Variants in EYS observed in about 807,000 individuals in gnomAD.
EYS encodes the protein EGF-like photoreceptor maintenance factor.
Under a neutral mutation model 282.1 loss-of-function variants are expected in EYS, and 250 were observed. The observed-to-expected ratio is 0.89, with a 90% CI of 0.80 to 0.98. The LOEUF is 0.98. Ranked by LOEUF, EYS falls within the 50% of genes least tolerant of loss-of-function variation. EYS has a pLI of 0.00. For missense variants in EYS, 4,016 were observed against 3,709.0 expected, an observed-to-expected ratio of 1.08 and a Z score of -2.15; for synonymous variants, 1,355 against 1,282.9, an observed-to-expected ratio of 1.06 and a Z score of -1.20.
chr6:64,909,676 C>G (rs1767933617), intron 16 of EYS, among the ~76,000 whole-genome samples: 1 of 152,184 alleles, frequency 6.6e-6, no homozygotes, highest in South Asian at 2.1e-4. Flanking sequence ...TCTCACAAAG[C>G]AGGATCACAA....
chr6:64,281,491 C>T (rs989431266), intron 30 of EYS, among the ~76,000 whole-genome samples: 1 of 152,164 alleles, frequency 6.6e-6, no homozygotes, highest in South Asian at 2.1e-4. Context: ...AAGACCAAAT[C>T]AGGATAGGCA....
At chr6:64,680,689 T>G (rs146530578) in intron 22 of EYS, among the ~76,000 whole-genome samples, 1 of 152,168 alleles carries the variant, frequency 6.6e-6, no homozygotes, top group African/African-American at 2.4e-5. Flanking sequence ...ATTATTTACC[T>G]TAGTTTCAGC....
chr6:64,387,031 G>A (rs965193486), intron 29 of EYS, among the ~76,000 whole-genome samples: 8 of 152,028 alleles, frequency 5.3e-5, no homozygotes, highest in Non-Finnish European at 8.8e-5. Flanking sequence ...ATTTTACATA[G>A]GATTAATTAT....
chr6:64,280,995 C>G (rs1367077758), intron 30 of EYS, among the ~76,000 whole-genome samples: 1 of 152,060 alleles, frequency 6.6e-6, no homozygotes, highest in Non-Finnish European at 1.5e-5. Context: ...CAGCAACTAA[C>G]TATGGTTGTG....
At position 64,130,152 on chromosome 6, in the gene EYS, A is replaced by G. The variant is rs543304015; in HGVS notation, c.6425-48150T>C. Among the ~76,000 whole-genome samples the G allele has an allele frequency of 4.5e-4, 68 of 152,322 alleles. 1 individual carries two copies. The highest frequency in any genetic ancestry group is 1.5e-3 in the African/African-American group (62 of 41,560). On this transcript the variant is annotated intron_variant, in intron 31 of 42. Transcript: ENST00000503581. ...TGGGTATATACCCAAAGGATTATAAATCATGCTGCTATAAAGACACATGCA... is the reference window on the plus strand; with the variant it reads ...TGGGTATATACCCAAAGGATTATAAGTCATGCTGCTATAAAGACACATGCA...
At chr6:64,556,613 C>T (rs1157345284) in intron 26 of EYS, among the ~76,000 whole-genome samples, 1 of 151,834 alleles carries the variant, frequency 6.6e-6, no homozygotes, top group African/African-American at 2.4e-5. Flanking sequence ...TTGAATTATA[C>T]TGTATAAACT....
chr6:64,703,736 G>A (rs1770876961), intron 22 of EYS, among the ~76,000 whole-genome samples: 1 of 151,600 alleles, frequency 6.6e-6, no homozygotes, highest in Admixed American at 6.6e-5. Context: ...CGCAAACTGT[G>A]GTAATTGTTA....
chr6:65,006,705 G>A (rs898815013), intron 13 of EYS, among the ~76,000 whole-genome samples: 1 of 152,134 alleles, frequency 6.6e-6, no homozygotes. Flanking sequence ...TTCAGGACAG[G>A]ATGATAGATG....
chr6:64,346,965 A>G (rs1309266705), intron 29 of EYS, among the ~76,000 whole-genome samples: 1 of 151,474 alleles, frequency 6.6e-6, no homozygotes, highest in African/African-American at 2.4e-5. Flanking sequence ...ACTACTAAAA[A>G]TGCTTAAAAT....
intron 36 of EYS, among the ~76,000 whole-genome samples, chr6:63,844,325 AG>A (rs1299480506): frequency 6.6e-6 from 1 of 152,140 alleles, no homozygotes; most frequent in Non-Finnish European, 1.5e-5. Context: ...TACGCATGCA[AG>A]CATCTTTATA....
At chr6:65,442,792 A>G (rs1768392444) in intron 5 of EYS, among the ~76,000 whole-genome samples, 1 of 149,832 alleles carries the variant, frequency 6.7e-6, no homozygotes, top group Non-Finnish European at 1.5e-5. Context: ...AAAAAAAAAT[A>G]TATAGACACA....
At chr6:64,083,822 C>T (rs1446944470) in intron 31 of EYS, among the ~76,000 whole-genome samples, 1 of 152,178 alleles carries the variant, frequency 6.6e-6, no homozygotes, top group Admixed American at 6.5e-5. Context: ...ACTGCAACCT[C>T]CACCTCCCGG....
chr6:63,882,608 A>G lies in EYS; in HGVS notation c.7056-18250T>C, dbSNP rs552508331. Among the ~76,000 whole-genome samples the G allele has an allele frequency of 3.3e-5, 5 of 152,340 alleles. No individual in the cohort carries two copies. In the South Asian group the frequency reaches 8.3e-4, roughly 25 times the overall value. ...GTTTTGCATTGAGTTTGCAATCTAGATGGTGAGACAAGAATTAAGTAACTA... is the reference window on the plus strand; with the variant it reads ...GTTTTGCATTGAGTTTGCAATCTAGGTGGTGAGACAAGAATTAAGTAACTA... On this transcript the variant is annotated intron_variant, in intron 35 of 42. Transcript: ENST00000503581.
intron 12 of EYS, among the ~76,000 whole-genome samples, chr6:65,291,479 G>A (rs959813258): frequency 1.3e-5 from 2 of 151,352 alleles, no homozygotes; most frequent in Non-Finnish European, 3.0e-5. Flanking sequence ...TAAAAAGTGA[G>A]GTTGTATATT....
At chr6:64,287,759 C>A (rs937586434) in intron 30 of EYS, among the ~76,000 whole-genome samples, 5 of 152,084 alleles carry the variant, frequency 3.3e-5, no homozygotes, top group Admixed American at 2.6e-4. Context: ...CAAAATACAT[C>A]TCATGGTTAA....
At position 65,460,518 on chromosome 6, in the gene EYS, G is replaced by C. The variant is rs558711962; in HGVS notation, c.862+30076C>G. On this transcript the variant is annotated intron_variant, in intron 5 of 42. Coordinates refer to ENST00000503581, the MANE Select transcript of EYS (RefSeq NM_001142800.2). ...TCAGACCTGATAATTTGGACCTTATGACCAGGCCAGTTGAAAATAATTATA... is the reference window on the plus strand; with the variant it reads ...TCAGACCTGATAATTTGGACCTTATCACCAGGCCAGTTGAAAATAATTATA... Among the ~76,000 whole-genome samples, 3 of 152,052 alleles carry C rather than the reference G, an allele frequency of 2.0e-5. No homozygotes were observed. In the South Asian group the frequency reaches 6.2e-4, roughly 32 times the overall value.
At chr6:63,965,883 T>G (rs971372148) in intron 35 of EYS, among the ~76,000 whole-genome samples, 1 of 152,182 alleles carries the variant, frequency 6.6e-6, no homozygotes, top group Admixed American at 6.5e-5. Flanking sequence ...ATGGGCATTT[T>G]ACCATCAAAT....
In EYS at chr6:64,388,735, T is replaced by TC; in HGVS notation, c.6032dup (p.Ser2012IlefsTer34). On this transcript the variant is annotated frameshift_variant, in exon 29 of 43. Transcript: ENST00000503581. LOFTEE classifies it high-confidence loss of function. ...CTGGAAATCCACCAATGAAGACAGA[T>TC]CCTGATTTTGGCAGGGGTTTTCCGA... The TC allele has an allele frequency of 6.5e-7, 1 of 1,544,670 alleles. No individual in the cohort carries two copies. The highest frequency in any genetic ancestry group is 8.7e-7 in the Non-Finnish European group (1 of 1,143,662).
chr6:65,114,213 GT>G (rs1273276278), intron 12 of EYS, among the ~76,000 whole-genome samples: 1 of 151,734 alleles, frequency 6.6e-6, no homozygotes. Flanking sequence ...AAATGTTAAA[GT>G]ATTCTAAATA....
Sources: gnomAD v4.1 joint callset for allele counts (sites outside exome capture counted in the v4.1 genomes callset) on GRCh38, gnomAD v4.1.1 for gene constraint, MANE v1.5 for transcripts, NCBI Gene and HGNC (gene_info 2026-07-23, HGNC 2026-07-21) for gene names.